CCNG2: variants seen among roughly 807,000 people sequenced by gnomAD.
CCNG2 encodes the protein cyclin-G2.
CCNG2 carries 20 observed loss-of-function variants against 36.5 expected under a neutral mutation model. The ratio of observed to expected loss-of-function variants is 0.55; its 90% CI spans 0.39 to 0.80. The LOEUF is 0.80. Ranked by LOEUF, CCNG2 falls within the 30% of genes least tolerant of loss-of-function variation. CCNG2 has a pLI of 0.00. For synonymous variants in CCNG2, 155 were observed against 140.1 expected (o/e 1.11, Z -0.75); for missense variants, 358 against 390.8 (o/e 0.92, Z 0.71).
Position 77,167,998 on chromosome 4 carries a change from G to C in CCNG2, c.*2074G>C, listed in dbSNP as rs1731672157. Reference sequence around the variant, plus strand: ...CTTTTCTTACTGGATATTTTTCCTGGGTAAGCATCTTTGTGGCTTCATCTC... The same window carrying C: ...CTTTTCTTACTGGATATTTTTCCTGCGTAAGCATCTTTGTGGCTTCATCTC... On this transcript the variant is annotated 3_prime_UTR_variant, in exon 8 of 8. Coordinates refer to ENST00000316355, the MANE Select transcript of CCNG2 (RefSeq NM_004354.3). The C allele has an allele frequency of 6.6e-6, 1 of 152,112 alleles. No individual in the cohort carries two copies. The highest frequency in any genetic ancestry group is 2.4e-5 in the African/African-American group (1 of 41,414). The allele number at this position is 152,112 out of a possible 1,614,324, so 9.4% of individuals were successfully genotyped here. A position where few individuals can be genotyped will look rare whatever the true frequency, so the allele number is the denominator to read the frequency against.
intron 6 of CCNG2, 74 bp downstream of exon 6, chr4:77,161,821 T>TA: frequency 1.2e-6 from 1 of 846,882 alleles, no homozygotes; most frequent in Non-Finnish European, 1.9e-6. Flanking sequence ...ACTTAAACAT[T>TA]AAGTAATACT....
In CCNG2 at chr4:77,166,142, A is replaced by T; in HGVS notation, c.*218A>T. 1 of 343,994 alleles carries T rather than the reference A, an allele frequency of 2.9e-6. No homozygotes were observed. The highest frequency in any genetic ancestry group is 5.2e-6 in the Non-Finnish European group (1 of 192,360). The allele number at this position is 343,994 out of a possible 1,614,324, so 21.3% of individuals were successfully genotyped here. A position where few individuals can be genotyped will look rare whatever the true frequency, so the allele number is the denominator to read the frequency against. On this transcript the variant is annotated 3_prime_UTR_variant, in exon 8 of 8. Coordinates refer to ENST00000316355, the MANE Select transcript of CCNG2 (RefSeq NM_004354.3). ...TTAAACCATTAACAGTACTTTAGACATTGGCACTTTATTTTTCTCGTAGAT... is the reference window on the plus strand; with the variant it reads ...TTAAACCATTAACAGTACTTTAGACTTTGGCACTTTATTTTTCTCGTAGAT...
At chr4:77,159,051 C>CT (rs1731352700) in intron 2 of CCNG2, among the ~76,000 whole-genome samples, 1 of 152,218 alleles carries the variant, frequency 6.6e-6, no homozygotes, top group South Asian at 2.1e-4. Flanking sequence ...CAAAAGAACC[C>CT]TTTCTCTCCA....
At position 77,168,286 on chromosome 4, in the gene CCNG2, C is replaced by T. The variant is rs1363496095; in HGVS notation, c.*2362C>T. 1 of 152,196 alleles carries T rather than the reference C, an allele frequency of 6.6e-6. No individual in the cohort carries two copies. Among genetic ancestry groups the T allele is most frequent in the South Asian group, 2.1e-4 (1 of 4,826 alleles). The allele number at this position is 152,196 out of a possible 1,614,324, so 9.4% of individuals were successfully genotyped here. On this transcript the variant is annotated 3_prime_UTR_variant, in exon 8 of 8. Transcript: ENST00000316355. ...TTACACTGTTTATATCTCTCTGTCC[C>T]CCCTTTTTCTGCCATTGGCATGGTT...
chr4:77,160,864 G>T lies in CCNG2; in HGVS notation c.420G>T (p.Arg140=). 6.2e-7 allele frequency: 1 copy of T among 1,613,868 alleles called. No homozygotes were observed. The highest frequency in any genetic ancestry group is 8.5e-7 in the Non-Finnish European group (1 of 1,179,962). ...AATGTACTGCTTCTGACATAAAACGGATGGAAAAAATAATTTCAGAAAAAT... is the reference window on the plus strand; with the variant it reads ...AATGTACTGCTTCTGACATAAAACGTATGGAAAAAATAATTTCAGAAAAAT... ...QCKCTASDIK[R]MEKIISEKLH... The change falls in exon 4 of 8, where the codon CGG becomes CGT. Residue 140 remains arginine, a synonymous_variant. Transcript: ENST00000316355.
chr4:77,161,626 CTTT>C lies in CCNG2; in HGVS notation c.607-17_607-15del. 1.9e-6 allele frequency: 3 copies of C among 1,563,368 alleles called. No individual in the cohort carries two copies. The highest frequency in any genetic ancestry group is 8.7e-7 in the Non-Finnish European group (1 of 1,152,676). ...TTTTGAATTTTTAAAAAATATTTTT[CTTT>C]TTTTTCTTTTTTCTTACAGCCATCT... On this transcript the variant is annotated intron_variant, in intron 5 of 7. Transcript: ENST00000316355.
chr4:77,165,224 G>C (rs1386105968), intron 7 of CCNG2, among the ~76,000 whole-genome samples: 1 of 152,116 alleles, frequency 6.6e-6, no homozygotes, highest in East Asian at 1.9e-4. Context: ...AGTGTAAGTG[G>C]TATAATAAAT....
rs746600709 is a variant in CCNG2, at chr4:77,161,690, A to C, written c.648A>C (p.Glu216Asp). ...TGTGCCTTCTCAATTTGGAAGTGGA[A>C]ACTTTGAAATCTGTTGAATTACTGG... Reference protein sequence around the residue: ...LALCLLNLEVETLKSVELLEI... With the variant: ...LALCLLNLEVDTLKSVELLEI... The change falls in exon 6 of 8, where the codon GAA becomes GAC. Residue 216 changes from glutamate to aspartate, a missense_variant. By Grantham distance (45) the Glu-to-Asp change is conservative (BLOSUM62 2). Transcript: ENST00000316355. 6.2e-7 allele frequency: 1 copy of C among 1,610,138 alleles called. No homozygotes were observed. The highest frequency in any genetic ancestry group is 8.5e-7 in the Non-Finnish European group (1 of 1,178,612).
In CCNG2 at chr4:77,167,097, A is replaced by G. The variant is rs1401819761; in HGVS notation, c.*1173A>G. 1 of 152,250 alleles carries G rather than the reference A, an allele frequency of 6.6e-6. No homozygotes were observed. Among genetic ancestry groups the G allele is most frequent in the Non-Finnish European group, 1.5e-5 (1 of 68,036 alleles). The allele number at this position is 152,250 out of a possible 1,614,324, so 9.4% of individuals were successfully genotyped here. On this transcript the variant is annotated 3_prime_UTR_variant, in exon 8 of 8. Coordinates refer to ENST00000316355, the MANE Select transcript of CCNG2 (RefSeq NM_004354.3). ...ATGTATTCTGTAGTATAAATCATAC[A>G]TTGATGACTTACATTTTTACTGGTA... is the stretch of plus-strand genomic sequence containing the variant.
At chr4:77,161,814 T>A in intron 6 of CCNG2, 67 bp downstream of exon 6, 2 of 942,746 alleles carry the variant, frequency 2.1e-6, no homozygotes, top group Non-Finnish European at 3.3e-6. Flanking sequence ...TGTGGTGACT[T>A]AAACATTAAG....
chr4:77,165,699 A>G, intron 7 of CCNG2, 102 bp from the exon 8 acceptor site: 1 of 987,598 alleles, frequency 1.0e-6, no homozygotes, highest in South Asian at 2.2e-5. Context: ...TTTTGAATAT[A>G]AAAATCCTCA....
rs1731649290 is a variant in CCNG2 at position 77,167,026 on chromosome 4, A to G, written c.*1102A>G. ...TGTACATAAAATACTGTATTTTTTT[A>G]CCTTGTGTGTGATAGTCTAGTCATT... On this transcript the variant is annotated 3_prime_UTR_variant, in exon 8 of 8. Coordinates refer to ENST00000316355, the MANE Select transcript of CCNG2 (RefSeq NM_004354.3). 1 of 152,118 alleles carries G rather than the reference A, an allele frequency of 6.6e-6. No homozygotes were observed. The highest frequency in any genetic ancestry group is 2.1e-4 in the South Asian group (1 of 4,832). The allele number at this position is 152,118 out of a possible 1,614,324, so 9.4% of individuals were successfully genotyped here. A position where few individuals can be genotyped will look rare whatever the true frequency, so the allele number is the denominator to read the frequency against.
intron 6 of CCNG2, 108 bp downstream of exon 6, chr4:77,161,855 C>G (rs1419081673): frequency 3.0e-6 from 2 of 677,798 alleles, no homozygotes; most frequent in Non-Finnish European, 5.0e-6. Flanking sequence ...AACTTTTACA[C>G]TTGTTTTTTT....
chr4:77,165,453 A>G, intron 7 of CCNG2, among the ~76,000 whole-genome samples: 1 of 150,424 alleles, frequency 6.6e-6, no homozygotes, highest in Non-Finnish European at 1.5e-5. Flanking sequence ...TGCATGTGCC[A>G]CCATGCCCAG....
Position 77,165,800 on chromosome 4 carries a change from G to A in CCNG2, c.912-1G>A. ...CTTTTTTTGTCTCTTTTTCTCTTTA[G>A]TGAGGACTCTTGTGAAGATATGAGT... On this transcript the variant is annotated splice_acceptor_variant, in intron 7 of 7. Transcript: ENST00000316355. LOFTEE classifies it high-confidence loss of function. 1.3e-6 allele frequency: 2 copies of A among 1,560,190 alleles called. No homozygotes were observed. Among genetic ancestry groups the A allele is most frequent in the Non-Finnish European group, 8.6e-7 (1 of 1,156,978 alleles).
chr4:77,162,798 C>T (rs1037972603), intron 6 of CCNG2, among the ~76,000 whole-genome samples: 44 of 151,930 alleles, frequency 2.9e-4, no homozygotes, highest in Non-Finnish European at 5.0e-4. Context: ...GAAGGCTTAA[C>T]GGCCAAGAAA....
rs1731675366 is a variant in CCNG2 at position 77,168,112 on chromosome 4, A to C, written c.*2188A>C. 6.6e-6 allele frequency: 1 copy of C among 152,196 alleles called. No homozygotes were observed. Among genetic ancestry groups the C allele is most frequent in the South Asian group, 2.1e-4 (1 of 4,826 alleles). 9.4% of individuals were successfully genotyped at this position (152,196 alleles called of 1,614,324 possible). ...TCACATGGCCTGCCATGCCACTTGG[A>C]GGTTTCTGATTACTCCCAAACCTGC... On this transcript the variant is annotated 3_prime_UTR_variant, in exon 8 of 8. Coordinates refer to ENST00000316355, the MANE Select transcript of CCNG2 (RefSeq NM_004354.3).
chr4:77,158,795 A>G (rs1048862972), intron 2 of CCNG2, 125 bp downstream of exon 2: 2 of 863,446 alleles, frequency 2.3e-6, no homozygotes, highest in South Asian at 3.4e-5. Context: ...TTTCTGGAGT[A>G]CCAAGATAAA....
Position 77,164,478 on chromosome 4 carries a change from AG to A in CCNG2, c.911+1del, listed in dbSNP as rs747966261. On this transcript the variant is annotated frameshift_variant and splice_region_variant, in exon 7 of 8. Coordinates refer to ENST00000316355, the MANE Select transcript of CCNG2 (RefSeq NM_004354.3). LOFTEE classifies it high-confidence loss of function. Reference sequence around the variant, plus strand: ...GGGGGGTTGTTTTGATGAAAGTGAAAGGTAGGCAGGTTCCTTGACTAATTAA... The same window carrying A: ...GGGGGGTTGTTTTGATGAAAGTGAAAGTAGGCAGGTTCCTTGACTAATTAA... ...PEGGCFDESE[S>X]EDSCEDMSCG... The A allele has an allele frequency of 6.2e-7, 1 of 1,612,212 alleles. No homozygotes were observed. The highest frequency in any genetic ancestry group is 8.5e-7 in the Non-Finnish European group (1 of 1,178,342).
Sources: allele counts gnomAD v4.1 joint callset (sites outside exome capture counted in the v4.1 genomes callset), GRCh38; gene constraint gnomAD v4.1.1; transcripts MANE v1.5; gene names NCBI Gene and HGNC (gene_info 2026-07-23, HGNC 2026-07-21).